The following CSMD3 variants were observed in gnomAD, a reference collection of about 807,000 sequenced individuals.
The protein encoded by CSMD3 is CUB and sushi domain-containing protein 3.
A neutral mutation model predicts 435.2 loss-of-function variants in CSMD3; 177 were observed. That is an observed-to-expected ratio of 0.41 (90% CI 0.36 to 0.46). CSMD3 has a LOEUF of 0.46. Among genes scored for constraint, CSMD3 ranks in the 20% least tolerant of loss-of-function variants. The pLI is 0.34. For missense variants in CSMD3, 4,265 were observed against 4,504.6 expected (o/e 0.95, Z 1.52); for synonymous variants, 1,656 against 1,520.5 (o/e 1.09, Z -2.07).
chr8:113,385,656 T>C (rs1208665175), intron 1 of CSMD3, among the ~76,000 whole-genome samples: 2 of 152,130 alleles, frequency 1.3e-5, no homozygotes, highest in African/African-American at 4.8e-5. Flanking sequence ...GAGCTGGGGA[T>C]TGAATTTGTG....
rs1470498613 is a variant in CSMD3, at chr8:112,241,701, A to C, written c.10468+19T>G. The stretch of plus-strand genomic sequence containing the variant: ...TTTTAGAAATAATGAACTCTAGAAA[A>C]ACAAATGACATTACTAACCACTTAG... On this transcript the variant is annotated intron_variant, in intron 66 of 70. Coordinates refer to ENST00000297405, the MANE Select transcript of CSMD3 (RefSeq NM_198123.2). 3 of 1,580,454 alleles carry C rather than the reference A, an allele frequency of 1.9e-6. No individual in the cohort carries two copies. Among genetic ancestry groups the C allele is most frequent in the African/African-American group, 1.3e-5 (1 of 74,326 alleles).
chr8:112,857,627 A>G (rs2080699369), intron 11 of CSMD3, among the ~76,000 whole-genome samples: 1 of 151,830 alleles, frequency 6.6e-6, no homozygotes, highest in Non-Finnish European at 1.5e-5. Flanking sequence ...CATATCTCAT[A>G]AAGTACACAC....
At chr8:113,226,138 C>T (rs1396839947) in intron 3 of CSMD3, among the ~76,000 whole-genome samples, 1 of 151,448 alleles carries the variant, frequency 6.6e-6, no homozygotes, top group African/African-American at 2.4e-5. Context: ...TTATAAATTA[C>T]CCAGCCTTGG....
intron 1 of CSMD3, among the ~76,000 whole-genome samples, chr8:113,325,354 T>C (rs1038421366): frequency 2.0e-5 from 3 of 152,188 alleles, no homozygotes; most frequent in African/African-American, 7.2e-5. Flanking sequence ...ACCCATGCTG[T>C]TCTCATGATA....
chr8:112,577,044 G>C (rs1830000462), intron 23 of CSMD3, among the ~76,000 whole-genome samples: 2 of 151,930 alleles, frequency 1.3e-5, no homozygotes, highest in African/African-American at 4.8e-5. Flanking sequence ...AACAAATACT[G>C]CTGAAGCTCC....
At chr8:112,265,040 C>A (rs1335862859) in intron 60 of CSMD3, among the ~76,000 whole-genome samples, 1 of 151,934 alleles carries the variant, frequency 6.6e-6, no homozygotes. Context: ...TTTTTCCCCA[C>A]CCTTGAATTA....
In CSMD3 at chr8:113,191,574, C is replaced by A. The variant is rs988501354; in HGVS notation, c.515-17658G>T. Reference sequence around the variant, plus strand: ...CTCCATGTTGTTGCCAAAAAAAAAACAAAACAAAACATGATTTCATTAATT... The same window carrying A: ...CTCCATGTTGTTGCCAAAAAAAAAAAAAAACAAAACATGATTTCATTAATT... On this transcript the variant is annotated intron_variant, in intron 3 of 70. Transcript: ENST00000297405. 6.1e-5 allele frequency among the ~76,000 whole-genome samples: 9 copies of A among 148,606 alleles called. No individual in the cohort carries two copies. In the South Asian group the frequency reaches 8.6e-4, roughly 14 times the overall value.
chr8:113,205,338 A>G (rs1588271860), intron 3 of CSMD3, among the ~76,000 whole-genome samples: 1 of 152,232 alleles, frequency 6.6e-6, no homozygotes, highest in East Asian at 1.9e-4. Flanking sequence ...TCATGAGAAC[A>G]ACACAAGAAA....
intron 17 of CSMD3, among the ~76,000 whole-genome samples, chr8:112,665,447 C>A (rs1323775422): frequency 6.6e-6 from 1 of 152,094 alleles, no homozygotes; most frequent in Non-Finnish European, 1.5e-5. Context: ...CATGGATAGA[C>A]AAATTCAATG....
intron 4 of CSMD3, among the ~76,000 whole-genome samples, chr8:113,122,506 A>G (rs557052341): frequency 1.3e-5 from 2 of 152,288 alleles, no homozygotes; most frequent in African/African-American, 4.8e-5. Flanking sequence ...AATTAAGGCT[A>G]CTGATGAAAT....
intron 11 of CSMD3, among the ~76,000 whole-genome samples, chr8:112,837,891 A>C (rs1641569688): frequency 6.6e-6 from 1 of 151,804 alleles, no homozygotes; most frequent in Admixed American, 6.6e-5. Context: ...AAATATAAAA[A>C]CTTTAATTAA....
intron 52 of CSMD3, among the ~76,000 whole-genome samples, chr8:112,302,213 ATT>A (rs34697524): frequency 4.4e-5 from 6 of 135,060 alleles, no homozygotes; most frequent in African/African-American, 1.3e-4. Flanking sequence ...TTTTTTTTTC[ATT>A]TTTTTTTTTT....
intron 1 of CSMD3, among the ~76,000 whole-genome samples, chr8:113,392,670 T>C (rs138248167): frequency 6.6e-6 from 1 of 152,172 alleles, no homozygotes; most frequent in African/African-American, 2.4e-5. Flanking sequence ...AGAGAATGAG[T>C]ACAAAACACA....
intron 62 of CSMD3, 93 bp from the exon 63 acceptor site, chr8:112,254,419 G>T: frequency 1.2e-6 from 1 of 859,774 alleles, no homozygotes; most frequent in South Asian, 1.3e-5. Flanking sequence ...CTGGGGTTTG[G>T]TACAAAGGAT....
chr8:112,319,630 T>C (rs74660798), intron 46 of CSMD3, among the ~76,000 whole-genome samples: 7,720 of 152,286 alleles, frequency 0.051, 242 homozygotes, highest in African/African-American at 0.082. Context: ...AATAATAGTT[T>C]GGAAAGAACC....
chr8:113,358,042 T>C (rs1482818311), intron 1 of CSMD3, among the ~76,000 whole-genome samples: 2 of 152,186 alleles, frequency 1.3e-5, no homozygotes, highest in Non-Finnish European at 2.9e-5. Flanking sequence ...GTCTAAACTG[T>C]TTCTAGTATT....
At chr8:112,353,818 T>G (rs1826352972) in intron 38 of CSMD3, among the ~76,000 whole-genome samples, 1 of 152,062 alleles carries the variant, frequency 6.6e-6, no homozygotes, top group Non-Finnish European at 1.5e-5. Flanking sequence ...AAAAATTCAA[T>G]GAGAAGGGAC....
intron 9 of CSMD3, among the ~76,000 whole-genome samples, chr8:112,942,696 A>G (rs1209451807): frequency 6.6e-6 from 1 of 151,712 alleles, no homozygotes; most frequent in African/African-American, 2.4e-5. Context: ...AAAAACAGTC[A>G]CTGGGGCCTA....
intron 6 of CSMD3, among the ~76,000 whole-genome samples, chr8:112,976,373 A>C (rs896259248): frequency 6.6e-6 from 1 of 152,116 alleles, no homozygotes; most frequent in African/African-American, 2.4e-5. Context: ...ACCACATTTT[A>C]ACTGTAATAC....
Sources: gnomAD v4.1 joint callset for allele counts (sites outside exome capture counted in the v4.1 genomes callset) on GRCh38, gnomAD v4.1.1 for gene constraint, MANE v1.5 for transcripts, NCBI Gene and HGNC (gene_info 2026-07-23, HGNC 2026-07-21) for gene names.